Variants in PIGF observed in about 807,000 individuals in gnomAD.
The protein encoded by PIGF is phosphatidylinositol glycan anchor biosynthesis class F.
PIGF carries 23 observed loss-of-function variants against 26.0 expected under a neutral mutation model. The observed-to-expected ratio is 0.88, with a 90% confidence interval of 0.64 to 1.25. The LOEUF (loss-of-function observed/expected upper bound fraction) is 1.25, where lower values mean the gene tolerates loss of function less well. PIGF is among the 50% of genes most tolerant of loss of function. The probability of loss-of-function intolerance (pLI) is 0.00; values close to 1 mark genes in which losing one functional copy is unlikely to be tolerated. For synonymous variants in PIGF, 93 were observed against 92.6 expected, an observed-to-expected ratio of 1.00 and a Z score of -0.03; for missense variants, 278 against 249.9, an observed-to-expected ratio of 1.11 and a Z score of -0.76.
chr2:46,600,312 A>G (rs1670017225), intron 4 of PIGF, among the ~76,000 whole-genome samples: 1 of 152,208 alleles, frequency 6.6e-6, no homozygotes. Flanking sequence ...TTAGTTTGAC[A>G]GTGTCTGTTA....
chr2:46,592,525 C>G lies in PIGF; in HGVS notation c.496G>C (p.Ala166Pro). 1 of 1,611,636 alleles carries G rather than the reference C, an allele frequency of 6.2e-7. No individual in the cohort carries two copies. Among genetic ancestry groups the G allele is most frequent in the Non-Finnish European group, 8.5e-7 (1 of 1,177,684 alleles). The change falls in exon 5 of 6, where the codon GCA becomes CCA. Residue 166 changes from alanine (A) to proline (P), a missense_variant. By Grantham distance (27) the Ala-to-Pro change is conservative. Transcript: ENST00000281382. ...GGAATAGGAAGTGCTCCAAGCCATG[C>G]TCCTACAAAGCTAGAAATTGTAGTG... ...QITTISSFVG[A>P]WLGALPIPLD...
chr2:46,585,729 G>T (rs189894755), intron 5 of PIGF, among the ~76,000 whole-genome samples: 6 of 152,094 alleles, frequency 3.9e-5, no homozygotes. Context: ...GTAATATACT[G>T]TGTGGTAGGA....
chr2:46,611,452 C>G (rs1670411720), intron 4 of PIGF, among the ~76,000 whole-genome samples: 1 of 151,458 alleles, frequency 6.6e-6, no homozygotes, highest in South Asian at 2.1e-4. Flanking sequence ...CCACTGCACT[C>G]CAGCCTGGCG....
intron 4 of PIGF, among the ~76,000 whole-genome samples, chr2:46,597,966 T>C (rs1264759123): frequency 2.6e-5 from 4 of 152,244 alleles, no homozygotes; most frequent in African/African-American, 9.6e-5. Context: ...CTTAAAATTG[T>C]CTTCTACTTA....
intron 4 of PIGF, among the ~76,000 whole-genome samples, chr2:46,602,570 C>G (rs1294424177): frequency 2.0e-5 from 3 of 151,710 alleles, no homozygotes; most frequent in African/African-American, 7.3e-5. Context: ...AAAGGGCTGT[C>G]TTTAAGTTAA....
chr2:46,587,946 A>G, intron 5 of PIGF: 1 of 639,570 alleles, frequency 1.6e-6, no homozygotes, highest in Non-Finnish European at 2.3e-6. Context: ...GAAAAGAATC[A>G]TGGTGTAGTG....
rs773091667 is a variant in PIGF at position 46,614,966 on chromosome 2, A to G, written c.199T>C (p.Ser67Pro). Residue 67 changes from serine to proline, a missense_variant, in exon 2 of 6, where the codon TCC becomes CCC. Ser to Pro is a moderately conservative substitution (Grantham distance 74). Coordinates refer to ENST00000281382, the MANE Select transcript of PIGF (RefSeq NM_002643.4). ...VLYLVVKPNT[S>P]SKRSSLSHKV... is the part of the protein sequence containing the mutation. The stretch of plus-strand genomic sequence containing the variant: ...TGTGATAATGAACTTCTTTTAGAGG[A>G]TGTATTTGGTTTCACTACTAAATAT... The G allele has an allele frequency of 1.1e-5, 17 of 1,572,256 alleles. 1 individual carries two copies. The African/African-American group carries it at 1.2e-4, about 11-fold the overall frequency.
chr2:46,581,871 G>A (rs957948084), intron 5 of PIGF: 30 of 280,362 alleles, frequency 1.1e-4, no homozygotes, highest in Admixed American at 4.0e-4. Context: ...AAAATTTTGG[G>A]TCAGACTTTG....
intron 3 of PIGF, among the ~76,000 whole-genome samples, chr2:46,613,361 T>C (rs980996736): frequency 1.3e-5 from 2 of 152,178 alleles, no homozygotes; most frequent in African/African-American, 4.8e-5. Context: ...TTATAAGAAC[T>C]GATATGCTAA....
Position 46,596,000 on chromosome 2 carries a change from G to T in PIGF, c.438-3417C>A, listed in dbSNP as rs369948822. On this transcript the variant is annotated intron_variant, in intron 4 of 5. Transcript: ENST00000281382. Reference sequence around the variant, plus strand: ...GACGCAGAGGCGGGCGGATCACAAGGTCAGGAGTTCGAGACCAGCCTGGCC... The same window carrying T: ...GACGCAGAGGCGGGCGGATCACAAGTTCAGGAGTTCGAGACCAGCCTGGCC... Among the ~76,000 whole-genome samples, 5 of 152,154 alleles carry T rather than the reference G, an allele frequency of 3.3e-5. No homozygotes were observed. In the East Asian group the frequency reaches 9.6e-4, roughly 29 times the overall value.
chr2:46,616,988 G>C lies in PIGF; in HGVS notation c.-40C>G. The C allele has an allele frequency of 1.8e-6, 1 of 546,392 alleles. No homozygotes were observed. Among genetic ancestry groups the C allele is most frequent in the East Asian group, 3.3e-5 (1 of 30,060 alleles). The allele number at this position is 546,392 out of a possible 1,614,324, so 33.8% of individuals were successfully genotyped here. ...GGCTTACCTAACTCTCCCTCCCGCG[G>C]AAGGGAAGCGGGGAACTACTGCCTC... On this transcript the variant is annotated 5_prime_UTR_variant, in exon 1 of 6. Transcript: ENST00000281382.
intron 1 of PIGF, chr2:46,616,572 C>G (rs948477637): frequency 6.5e-6 from 1 of 154,004 alleles, no homozygotes; most frequent in African/African-American, 2.4e-5. Context: ...TGACCCGGCC[C>G]ACCTCGCTAC....
chr2:46,596,356 A>G (rs1215504518), intron 4 of PIGF, among the ~76,000 whole-genome samples: 18 of 152,178 alleles, frequency 1.2e-4, no homozygotes, highest in Admixed American at 1.1e-3. Context: ...TAAAATAAAA[A>G]ATATGATCAT....
In PIGF at chr2:46,588,397, T is replaced by TA. The variant is rs894934190; in HGVS notation, c.546+4077dup. ...ATTTGCATTTTTTGAAGGCTAAAAATATAGTCATTAAACTATGTCTTTTCT... is the reference window on the plus strand; with the variant it reads ...ATTTGCATTTTTTGAAGGCTAAAAATAATAGTCATTAAACTATGTCTTTTCT... On this transcript the variant is annotated intron_variant, in intron 5 of 5. Coordinates refer to ENST00000281382, the MANE Select transcript of PIGF (RefSeq NM_002643.4). This position sits in a 1 kb window ranked among gnomAD's most constrained non-coding sequence, Gnocchi z 4.1. 2 of 492,236 alleles carry TA rather than the reference T, an allele frequency of 4.1e-6. No individual in the cohort carries two copies. The highest frequency in any genetic ancestry group is 6.9e-6 in the Non-Finnish European group (2 of 288,706). The allele number at this position is 492,236 out of a possible 1,614,324, so 30.5% of individuals were successfully genotyped here.
At chr2:46,598,074 T>C (rs754075716) in intron 4 of PIGF, among the ~76,000 whole-genome samples, 1 of 152,198 alleles carries the variant, frequency 6.6e-6, no homozygotes, top group African/African-American at 2.4e-5. Context: ...TTTTAATTCA[T>C]TTTGCAATCT....
chr2:46,615,693 T>C (rs1451591326), intron 1 of PIGF: 1 of 154,214 alleles, frequency 6.5e-6, no homozygotes. Context: ...TCACATCTTC[T>C]AGCAAATGCC....
At chr2:46,610,006 G>C (rs1214018860) in intron 4 of PIGF, among the ~76,000 whole-genome samples, 2 of 152,202 alleles carry the variant, frequency 1.3e-5, no homozygotes, top group Admixed American at 1.3e-4. Flanking sequence ...TATCTGATCT[G>C]AGCAATATCT....
intron 4 of PIGF, among the ~76,000 whole-genome samples, chr2:46,598,828 T>C (rs1669968652): frequency 6.6e-6 from 1 of 152,180 alleles, no homozygotes; most frequent in African/African-American, 2.4e-5. Flanking sequence ...TTCTATGGTA[T>C]ACAGTTATAT....
Position 46,581,029 on chromosome 2 carries a change from C to G in PIGF, c.*449G>C. 4 of 1,586,560 alleles carry G rather than the reference C, an allele frequency of 2.5e-6. No individual in the cohort carries two copies. The highest frequency in any genetic ancestry group is 1.4e-5 in the African/African-American group (1 of 73,426). ...TAGCCATTTTAACTCCAAAGAAACA[C>G]ACTGTAAAAAAAAGAATAGGATCAA... On this transcript the variant is annotated 3_prime_UTR_variant, in exon 6 of 6. Coordinates refer to ENST00000281382, the MANE Select transcript of PIGF (RefSeq NM_002643.4).
Sources: allele counts gnomAD v4.1 joint callset (sites outside exome capture counted in the v4.1 genomes callset), GRCh38; gene constraint gnomAD v4.1.1; non-coding constraint Gnocchi (gnomAD v3.1); transcripts MANE v1.5; gene names NCBI Gene and HGNC (gene_info 2026-07-23, HGNC 2026-07-21).